LAMA2: variants seen among roughly 807,000 people sequenced by gnomAD.
LAMA2 encodes the protein laminin subunit alpha 2.
Under a neutral mutation model 364.8 loss-of-function variants are expected in LAMA2, and 269 were observed. The ratio of observed to expected loss-of-function variants is 0.74; its 90% CI spans 0.67 to 0.82. The LOEUF (loss-of-function observed/expected upper bound fraction) is 0.82, where lower values mean the gene tolerates loss of function less well. Among genes scored for constraint, LAMA2 ranks in the 40% least tolerant of loss-of-function variants. The pLI, the probability that LAMA2 is intolerant of heterozygous loss-of-function variation, is 0.00. For missense variants in LAMA2, 3,807 were observed against 3,873.2 expected (o/e 0.98, Z 0.45); for synonymous variants, 1,379 against 1,370.6 (o/e 1.01, Z -0.14).
intron 4 of LAMA2, among the ~76,000 whole-genome samples, chr6:129,136,693 CTG>C (rs1281205191): frequency 6.6e-6 from 1 of 152,028 alleles, no homozygotes; most frequent in Non-Finnish European, 1.5e-5. Flanking sequence ...TTATTAAAGA[CTG>C]TTGTGTTGAC....
chr6:129,470,219 G>C (rs1332095428), intron 51 of LAMA2, among the ~76,000 whole-genome samples: 2 of 151,790 alleles, frequency 1.3e-5, no homozygotes, highest in Admixed American at 6.6e-5. Flanking sequence ...TTAGTAGATT[G>C]GGTGGGGGGG....
chr6:129,292,164 G>C (rs1706413262), intron 20 of LAMA2, among the ~76,000 whole-genome samples: 1 of 152,134 alleles, frequency 6.6e-6, no homozygotes, highest in Non-Finnish European at 1.5e-5. Context: ...GGCCAAGATG[G>C]TGAAACACCA....
chr6:128,889,313 G>A (rs1328426709), intron 1 of LAMA2, among the ~76,000 whole-genome samples: 1 of 152,092 alleles, frequency 6.6e-6, no homozygotes, highest in Non-Finnish European at 1.5e-5. Context: ...AAATGACATA[G>A]TGATGTATTG....
At chr6:128,910,175 C>T (rs1425155145) in intron 1 of LAMA2, among the ~76,000 whole-genome samples, 29 of 152,100 alleles carry the variant, frequency 1.9e-4, no homozygotes, top group East Asian at 1.9e-4. Flanking sequence ...TGAATCTGAA[C>T]GTTGGCCTGC....
chr6:129,463,204 G>A lies in LAMA2; in HGVS notation c.6993-1086G>A, dbSNP rs17057338. On this transcript the variant is annotated intron_variant, in intron 49 of 64. Transcript: ENST00000421865. Reference sequence around the variant, plus strand: ...TATACTAACTTTACCAGACATCAAGGTTCAAAAGAGAAACAAAAGGCAAAT... The same window carrying A: ...TATACTAACTTTACCAGACATCAAGATTCAAAAGAGAAACAAAAGGCAAAT... 1.7e-3 allele frequency among the ~76,000 whole-genome samples: 260 copies of A among 151,908 alleles called. 1 individual carries two copies. The highest frequency in any genetic ancestry group is 2.1e-3 in the Non-Finnish European group (143 of 67,902).
At chr6:129,134,033 A>G (rs1777648130) in intron 4 of LAMA2, among the ~76,000 whole-genome samples, 1 of 152,200 alleles carries the variant, frequency 6.6e-6, no homozygotes, top group Admixed American at 6.5e-5. Flanking sequence ...TCCTGCTCCA[A>G]GATTTTATTT....
At chr6:129,277,522 G>A (rs952561421) in intron 17 of LAMA2, among the ~76,000 whole-genome samples, 2 of 152,138 alleles carry the variant, frequency 1.3e-5, no homozygotes, top group East Asian at 1.9e-4. Context: ...GATGCGTTAT[G>A]TCGAGTATCT....
intron 3 of LAMA2, among the ~76,000 whole-genome samples, chr6:129,073,720 T>A (rs4397250): frequency 0.95 from 144,885 of 152,206 alleles, 69,041 homozygotes; most frequent in East Asian, 0.97. Flanking sequence ...AGAATATCCA[T>A]TTGATACTTT....
intron 12 of LAMA2, among the ~76,000 whole-genome samples, chr6:129,233,060 A>T (rs1784769844): frequency 6.6e-6 from 1 of 152,116 alleles, no homozygotes; most frequent in Non-Finnish European, 1.5e-5. Flanking sequence ...ATGAACAAGG[A>T]GATAGATTCT....
At chr6:129,266,582 A>G (rs1326415169) in intron 15 of LAMA2, among the ~76,000 whole-genome samples, 1 of 152,128 alleles carries the variant, frequency 6.6e-6, no homozygotes, top group Non-Finnish European at 1.5e-5. Context: ...GTGGTCAAAT[A>G]TAAGTGTGGG....
chr6:128,883,468 CAG>C, intron 1 of LAMA2, 111 bp downstream of exon 1: 4 of 1,513,894 alleles, frequency 2.6e-6, no homozygotes, highest in Admixed American at 2.0e-5. Context: ...GCTTCGCCTT[CAG>C]AGAGTGCGCT....
rs529110314 is a variant in LAMA2, at chr6:129,453,076, A to G, written c.6518A>G (p.Asn2173Ser). ...KKGSYNNIVV[N>S]VKTAVADNLL... is the part of the protein sequence containing the mutation. ...GGAAGTTACAATAATATTGTTGTCA[A>G]CGTAAAGACAGCTGTTGCTGATAAC... is the stretch of plus-strand genomic sequence containing the variant. The change falls in exon 46 of 65, where the codon AAC becomes AGC. Residue 2173 changes from asparagine (N) to serine (S), a missense_variant. This residue lies in a region of LAMA2 where 3,333 missense variants were observed against 3,345.7 expected (regional missense o/e 1.00). Coordinates refer to ENST00000421865, the MANE Select transcript of LAMA2 (RefSeq NM_000426.4). 6 of 1,613,188 alleles carry G rather than the reference A, an allele frequency of 3.7e-6. No individual in the cohort carries two copies. The East Asian group carries it at 1.1e-4, about 30-fold the overall frequency.
intron 3 of LAMA2, among the ~76,000 whole-genome samples, chr6:129,090,668 A>G (rs186182949): frequency 1.3e-5 from 2 of 152,242 alleles, no homozygotes; most frequent in Non-Finnish European, 2.9e-5. Context: ...ATATTTCTCT[A>G]CTACTATATT....
In LAMA2 at chr6:129,516,422, TATATATGTTA is replaced by T. The variant is rs1787086971; in HGVS notation, c.*78_*87del. 1.4e-6 allele frequency: 2 copies of T among 1,414,942 alleles called. No individual in the cohort carries two copies. The highest frequency in any genetic ancestry group is 2.4e-5 in the South Asian group (2 of 82,450). The allele number at this position is 1,414,942 out of a possible 1,614,324, so 87.6% of individuals were successfully genotyped here. ...GTAAAACAAACAAATATATTTTACC[TATATATGTTA>T]ATTAAACTAATTTGTGCATGTACAT... is the stretch of plus-strand genomic sequence containing the variant. On this transcript the variant is annotated 3_prime_UTR_variant, in exon 65 of 65. Transcript: ENST00000421865.
At chr6:129,442,661 T>C (rs1039680062) in intron 43 of LAMA2, 10 of 267,744 alleles carry the variant, frequency 3.7e-5, no homozygotes, top group Non-Finnish European at 4.3e-5. Context: ...TTATTTTTCC[T>C]GACCCTCTCC....
intron 10 of LAMA2, among the ~76,000 whole-genome samples, chr6:129,180,285 A>G (rs899287735): frequency 6.6e-6 from 1 of 152,130 alleles, no homozygotes; most frequent in Non-Finnish European, 1.5e-5. Context: ...GAATATATAC[A>G]TAAGTGTCCA....
At chr6:129,231,883 A>G (rs1486955487) in intron 12 of LAMA2, among the ~76,000 whole-genome samples, 1 of 152,126 alleles carries the variant, frequency 6.6e-6, no homozygotes, top group African/African-American at 2.4e-5. Context: ...CTGAAATGGC[A>G]TGCCATTAGA....
At chr6:129,113,686 G>T (rs1275462588) in intron 4 of LAMA2, among the ~76,000 whole-genome samples, 1 of 152,052 alleles carries the variant, frequency 6.6e-6, no homozygotes, top group African/African-American at 2.4e-5. Flanking sequence ...GTTCTTAGAA[G>T]ATAAATCATT....
chr6:129,278,646 T>A (rs1324393305), intron 17 of LAMA2, among the ~76,000 whole-genome samples: 2 of 152,188 alleles, frequency 1.3e-5, no homozygotes, highest in Non-Finnish European at 2.9e-5. Context: ...TTACTCGCAG[T>A]GCACACGCTG....
Sources: gnomAD v4.1 joint callset for allele counts (sites outside exome capture counted in the v4.1 genomes callset) on GRCh38, gnomAD v4.1.1 for gene constraint, gnomAD v4.1.1 regional missense constraint, MANE v1.5 for transcripts, NCBI Gene and HGNC (gene_info 2026-07-23, HGNC 2026-07-21) for gene names.